ADAM32: variants seen among roughly 807,000 people sequenced by gnomAD.
The protein encoded by ADAM32 is disintegrin and metalloproteinase domain-containing protein 32.
In ADAM32, 89 loss-of-function variants were observed where a neutral mutation model predicts 114.9. The observed-to-expected ratio is 0.77, with a 90% confidence interval of 0.65 to 0.92. The LOEUF is 0.92. Among genes scored for constraint, ADAM32 ranks in the 40% least tolerant of loss-of-function variants. The pLI is 0.00. For missense variants in ADAM32, 870 were observed against 932.8 expected, an observed-to-expected ratio of 0.93 and a Z score of 0.88; for synonymous variants, 285 against 307.5, an observed-to-expected ratio of 0.93 and a Z score of 0.77.
chr8:39,155,084 A>T (rs934489252), intron 6 of ADAM32, among the ~76,000 whole-genome samples: 1 of 152,204 alleles, frequency 6.6e-6, no homozygotes, highest in Non-Finnish European at 1.5e-5. Context: ...TCTCAAAATA[A>T]TAAGAGCTAT....
Position 39,133,762 on chromosome 8 carries a change from C to T in ADAM32, c.139-2895C>T, listed in dbSNP as rs575206217. Among the ~76,000 whole-genome samples, 167 of 152,292 alleles carry T rather than the reference C, an allele frequency of 1.1e-3. 1 individual carries two copies. The highest frequency in any genetic ancestry group is 3.9e-3 in the African/African-American group (161 of 41,556). On this transcript the variant is annotated intron_variant, in intron 2 of 24. Coordinates refer to ENST00000379907, the MANE Select transcript of ADAM32 (RefSeq NM_145004.7). ...GCACTGGTGCTGATAGCAGGTGGGG[C>T]TGGCCAGATATCAGATCCCCGGATA...
At chr8:39,201,192 T>C (rs1807376087) in intron 11 of ADAM32, among the ~76,000 whole-genome samples, 2 of 152,206 alleles carry the variant, frequency 1.3e-5, no homozygotes, top group Admixed American at 6.5e-5. Flanking sequence ...GAGATGGCAT[T>C]GAATGTATAA....
chr8:39,135,295 G>A (rs1802729726), intron 2 of ADAM32, among the ~76,000 whole-genome samples: 1 of 152,096 alleles, frequency 6.6e-6, no homozygotes, highest in Non-Finnish European at 1.5e-5. Flanking sequence ...TCAGGGTTAG[G>A]GTTTTCTCTT....
At chr8:39,113,965 T>C (rs535306420) in intron 1 of ADAM32, among the ~76,000 whole-genome samples, 1 of 150,762 alleles carries the variant, frequency 6.6e-6, no homozygotes, top group East Asian at 2.0e-4. Context: ...GACGTGTTGA[T>C]TTTTTTCAAC....
At chr8:39,224,525 A>G (rs1274528906) in intron 14 of ADAM32, among the ~76,000 whole-genome samples, 1 of 151,944 alleles carries the variant, frequency 6.6e-6, no homozygotes, top group Non-Finnish European at 1.5e-5. Context: ...GCATCTTTTC[A>G]TATATGTCTT....
chr8:39,239,929 A>G (rs923092639), intron 16 of ADAM32, among the ~76,000 whole-genome samples: 5 of 152,210 alleles, frequency 3.3e-5, no homozygotes, highest in Non-Finnish European at 7.4e-5. Flanking sequence ...AATTTATAAA[A>G]CAATTCTTGA....
At chr8:39,107,674 C>A, upstream of ADAM32, 1 of 1,537,680 alleles carries the variant, frequency 6.5e-7, no homozygotes, top group Non-Finnish European at 8.7e-7. Flanking sequence ...AACGCTGTCC[C>A]ATGAACGTGC....
intron 13 of ADAM32, among the ~76,000 whole-genome samples, 196 bp from the exon 14 acceptor site, chr8:39,222,844 G>T (rs183175599): frequency 6.6e-6 from 1 of 151,878 alleles, no homozygotes; most frequent in African/African-American, 2.4e-5. Context: ...TTGTACATAT[G>T]TCTTATCTCC....
intron 2 of ADAM32, among the ~76,000 whole-genome samples, chr8:39,119,866 G>T (rs146104940): frequency 3.9e-3 from 599 of 152,244 alleles, no homozygotes; most frequent in African/African-American, 0.014. Flanking sequence ...GGTAATTAAG[G>T]TTACATGAGG....
chr8:39,283,479 C>T, intron 23 of ADAM32, 107 bp from the exon 24 acceptor site: 1 of 560,846 alleles, frequency 1.8e-6, no homozygotes, highest in South Asian at 5.1e-5. Context: ...TTTTTTAGTA[C>T]AACTTTGAAC....
chr8:39,221,334 G>T (rs1240197745), intron 12 of ADAM32: 5 of 299,394 alleles, frequency 1.7e-5, no homozygotes, highest in Admixed American at 9.6e-5. Flanking sequence ...ATATAGTGAG[G>T]TCTCGCTTTT....
intron 18 of ADAM32, among the ~76,000 whole-genome samples, chr8:39,256,745 A>G (rs1811670451): frequency 6.6e-6 from 1 of 152,042 alleles, no homozygotes; most frequent in African/African-American, 2.4e-5. Flanking sequence ...TAGTATTGCA[A>G]TGACCCCATT....
At chr8:39,134,713 G>A (rs1429497764) in intron 2 of ADAM32, among the ~76,000 whole-genome samples, 1 of 152,128 alleles carries the variant, frequency 6.6e-6, no homozygotes, top group South Asian at 2.1e-4. Flanking sequence ...TATATAGTCT[G>A]CAAATAAAAG....
chr8:39,204,050 T>C (rs915723331), intron 11 of ADAM32, among the ~76,000 whole-genome samples: 2 of 152,236 alleles, frequency 1.3e-5, no homozygotes, highest in African/African-American at 2.4e-5. Context: ...CCCGTCTCTC[T>C]GGCTGCCCTT....
At chr8:39,213,622 G>T (rs186661999) in intron 12 of ADAM32, among the ~76,000 whole-genome samples, 3 of 152,222 alleles carry the variant, frequency 2.0e-5, no homozygotes, top group Non-Finnish European at 4.4e-5. Context: ...ATAATCACAT[G>T]AAGGTAAATG....
At chr8:39,196,067 A>G (rs1806965549) in intron 11 of ADAM32, among the ~76,000 whole-genome samples, 1 of 152,022 alleles carries the variant, frequency 6.6e-6, no homozygotes, top group Admixed American at 6.6e-5. Context: ...TCCTTGGTTC[A>G]GTTTATTTCT....
chr8:39,185,602 A>G (rs1326655858), intron 10 of ADAM32, among the ~76,000 whole-genome samples: 5 of 152,210 alleles, frequency 3.3e-5, no homozygotes, highest in Non-Finnish European at 5.9e-5. Context: ...TACTGACAGT[A>G]GGCTCCCATT....
Position 39,249,630 on chromosome 8 carries a change from GCAAA to G in ADAM32, c.1902+3468_1902+3471del, listed in dbSNP as rs1413715760. Among the ~76,000 whole-genome samples the G allele has an allele frequency of 2.0e-5, 3 of 152,204 alleles. No homozygotes were observed. The East Asian group carries it at 5.8e-4, about 29-fold the overall frequency. Reference sequence around the variant, plus strand: ...AGAATTTAATAGTGAACCCATCTCAGCAAACAATTATCTGTAACATCAATTAAGA... The same window carrying G: ...AGAATTTAATAGTGAACCCATCTCAGCAATTATCTGTAACATCAATTAAGA... On this transcript the variant is annotated intron_variant, in intron 17 of 24. Transcript: ENST00000379907.
At chr8:39,222,889 T>C in intron 13 of ADAM32, 151 bp from the exon 14 acceptor site, 2 of 553,506 alleles carry the variant, frequency 3.6e-6, no homozygotes, top group Non-Finnish European at 5.9e-6. Context: ...TATATTTTTA[T>C]ATTATTAGCA....
Sources: gnomAD v4.1 joint callset for allele counts (sites outside exome capture counted in the v4.1 genomes callset) on GRCh38, gnomAD v4.1.1 for gene constraint, MANE v1.5 for transcripts, NCBI Gene and HGNC (gene_info 2026-07-23, HGNC 2026-07-21) for gene names.